Variants in MEIS2 observed in about 807,000 individuals in gnomAD.
MEIS2 encodes homeobox protein Meis2.
Under a neutral mutation model 58.6 loss-of-function variants are expected in MEIS2, and 9 were observed. The ratio of observed to expected loss-of-function variants is 0.15; its 90% confidence interval spans 0.09 to 0.27. The LOEUF is 0.27. MEIS2 is among the 10% of genes least tolerant of loss of function. MEIS2 has a pLI of 1.00. For missense variants in MEIS2, 427 were observed against 635.0 expected (o/e 0.67, Z 3.52); for synonymous variants, 221 against 228.4 (o/e 0.97, Z 0.29).
chr15:37,099,551 C>CT lies in MEIS2; in HGVS notation c.-86dup, dbSNP rs111602525. On this transcript the variant is annotated 5_prime_UTR_variant, in exon 1 of 12. Transcript: ENST00000561208. ...AGAAAGTGATCTAGGCTGAAGATTC[C>CT]TTTTTTTTTTTTCCAAACCAAAGAG... 87,358 of 1,051,528 alleles carry CT rather than the reference C, an allele frequency of 0.083. 2 individuals carry two copies. Among genetic ancestry groups the CT allele is most frequent in the South Asian group, 0.096 (5,696 of 59,128 alleles). 65.1% of individuals were successfully genotyped at this position (1,051,528 alleles called of 1,614,324 possible). A position where few individuals can be genotyped will look rare whatever the true frequency, so the allele number is the denominator to read the frequency against.
At chr15:36,939,033 G>A (rs1595766034) in intron 9 of MEIS2, among the ~76,000 whole-genome samples, 1 of 152,186 alleles carries the variant, frequency 6.6e-6, no homozygotes, top group South Asian at 2.1e-4. Flanking sequence ...AGGCAGAGCT[G>A]GTTCCTCCCA....
intron 7 of MEIS2, among the ~76,000 whole-genome samples, chr15:37,069,674 A>G (rs1342959489): frequency 6.6e-6 from 1 of 152,170 alleles, no homozygotes; most frequent in Non-Finnish European, 1.5e-5. Flanking sequence ...AGACCTCCTG[A>G]ATGCCCCGAT....
chr15:36,892,433 C>A lies in MEIS2; in HGVS notation c.1174G>T (p.Val392Phe). Residue 392 changes from valine to phenylalanine, a missense_variant, in exon 12 of 12, where the codon GTT (valine) becomes TTT (phenylalanine). Physicochemically the swap from Val to Phe is conservative, Grantham distance 50. Coordinates refer to ENST00000561208, the MANE Select transcript of MEIS2 (RefSeq NM_170675.5). Reference protein sequence around the residue: ...AGLQSMPGDYVSQGGPMGMSM... With the variant: ...AGLQSMPGDYFSQGGPMGMSM... ...ATTCCCATAGGACCACCCTGAGAAA[C>A]GTAGTCCCCTGGCATGCTCTGCAAA... 6.2e-7 allele frequency: 1 copy of A among 1,612,994 alleles called. No individual in the cohort carries two copies. The highest frequency in any genetic ancestry group is 1.1e-5 in the South Asian group (1 of 91,032).
chr15:37,086,780 T>A (rs546820280), intron 6 of MEIS2, among the ~76,000 whole-genome samples: 8 of 152,196 alleles, frequency 5.3e-5, no homozygotes, highest in Non-Finnish European at 1.2e-4. Context: ...GTTGTTTGTA[T>A]TGAGCTACAC....
chr15:36,986,508 G>A (rs2060096944), intron 8 of MEIS2, among the ~76,000 whole-genome samples: 1 of 152,200 alleles, frequency 6.6e-6, no homozygotes, highest in African/African-American at 2.4e-5. Flanking sequence ...TACACAGTTG[G>A]TTCCGGCTTC....
rs1417472196 is a variant in MEIS2, at chr15:36,889,573, T to G, written c.*2600A>C. On this transcript the variant is annotated 3_prime_UTR_variant, in exon 12 of 12. Coordinates refer to ENST00000561208, the MANE Select transcript of MEIS2 (RefSeq NM_170675.5). ...ACGAATAAACTAAGCATGAGATGAC[T>G]TTATTCATTAAAACCAAGAGTTGAG... 6.6e-6 allele frequency: 1 copy of G among 152,222 alleles called. No homozygotes were observed. Among genetic ancestry groups the G allele is most frequent in the East Asian group, 1.9e-4 (1 of 5,196 alleles). The allele number at this position is 152,222 out of a possible 1,614,324, so 9.4% of individuals were successfully genotyped here.
chr15:37,081,821 T>C (rs369036300), intron 7 of MEIS2, among the ~76,000 whole-genome samples: 44 of 152,180 alleles, frequency 2.9e-4, no homozygotes, highest in African/African-American at 9.9e-4. Context: ...TCCTTCAGCA[T>C]TGGATAAGTG....
At chr15:37,028,937 A>G (rs542521364) in intron 8 of MEIS2, among the ~76,000 whole-genome samples, 2 of 152,186 alleles carry the variant, frequency 1.3e-5, no homozygotes, top group South Asian at 4.2e-4. Context: ...AATAGGAAGA[A>G]CACTCAAGCT....
chr15:36,907,345 C>A (rs142586658), intron 9 of MEIS2, among the ~76,000 whole-genome samples: 24 of 152,258 alleles, frequency 1.6e-4, no homozygotes, highest in South Asian at 6.2e-4. Flanking sequence ...GGTGTGGAAA[C>A]AAATGGTTCT....
intron 6 of MEIS2, among the ~76,000 whole-genome samples, chr15:37,090,715 T>C (rs968543839): frequency 6.6e-6 from 1 of 152,044 alleles, no homozygotes; most frequent in South Asian, 2.1e-4. Flanking sequence ...TACCACTTAA[T>C]AAGAGTAGAG....
At chr15:36,894,162 A>G (rs752113976) in intron 11 of MEIS2, among the ~76,000 whole-genome samples, 4 of 152,134 alleles carry the variant, frequency 2.6e-5, no homozygotes, top group Non-Finnish European at 5.9e-5. Context: ...CAGTAGGCAC[A>G]TGTAAAAAAT....
chr15:36,974,096 C>T (rs2059660708), intron 8 of MEIS2, among the ~76,000 whole-genome samples: 1 of 152,154 alleles, frequency 6.6e-6, no homozygotes, highest in African/African-American at 2.4e-5. Flanking sequence ...AAGAGTGTCA[C>T]CAAACTTTCA....
At chr15:37,081,476 C>T (rs116513925) in intron 7 of MEIS2, among the ~76,000 whole-genome samples, 1,561 of 152,180 alleles carry the variant, frequency 0.01, 32 homozygotes, top group African/African-American at 0.036. Context: ...TTCGGTGGGA[C>T]AAAATATCAA....
intron 9 of MEIS2, 95 bp downstream of exon 9, chr15:36,950,229 A>G: frequency 8.9e-7 from 1 of 1,120,576 alleles, no homozygotes; most frequent in Non-Finnish European, 1.3e-6. Flanking sequence ...CCTCGATTTC[A>G]TTTGTTTTAG....
At position 37,020,193 on chromosome 15, in the gene MEIS2, C is replaced by T. The variant is rs2061476884; in HGVS notation, c.900+16621G>A. ...GTGGAGAGCGGGGTTTGCCAAGTCT[C>T]CTCTACAAAGCGTGTATTAATCACA... On this transcript the variant is annotated intron_variant, in intron 8 of 11. Transcript: ENST00000561208. Among the ~76,000 whole-genome samples the T allele has an allele frequency of 2.0e-5, 3 of 152,082 alleles. No homozygotes were observed. In the South Asian group the frequency reaches 6.2e-4, roughly 32 times the overall value.
rs2059569627 is a variant in MEIS2, at chr15:36,971,553, A to AAAAAAAAAAG, written c.901-21154_901-21153insCTTTTTTTTT. Among the ~76,000 whole-genome samples the AAAAAAAAAAG allele has an allele frequency of 1.5e-5, 2 of 131,994 alleles. 1 individual carries two copies. Among genetic ancestry groups the AAAAAAAAAAG allele is most frequent in the African/African-American group, 6.8e-5 (2 of 29,480 alleles). 86.6% of individuals were successfully genotyped at this position (131,994 alleles called of 152,430 possible). A position where few individuals can be genotyped will look rare whatever the true frequency, so the allele number is the denominator to read the frequency against. On this transcript the variant is annotated intron_variant, in intron 8 of 11. Transcript: ENST00000561208. ...TTGTTACATTAAAAAAAAAAAAAAA[A>AAAAAAAAAAG]AAAAAAAAAAAGGGCTGTTCCAGTG...
intron 9 of MEIS2, among the ~76,000 whole-genome samples, chr15:36,917,777 C>T (rs1162217664): frequency 6.6e-6 from 1 of 152,188 alleles, no homozygotes; most frequent in Non-Finnish European, 1.5e-5. Context: ...CAAGAGAACA[C>T]TTGAAGCAAA....
At chr15:36,960,476 G>A (rs1212077012) in intron 8 of MEIS2, among the ~76,000 whole-genome samples, 3 of 152,036 alleles carry the variant, frequency 2.0e-5, no homozygotes, top group Non-Finnish European at 4.4e-5. Flanking sequence ...ACCATATTAT[G>A]GAGAAAGTCT....
chr15:36,969,944 A>G (rs2059479466), intron 8 of MEIS2, among the ~76,000 whole-genome samples: 1 of 151,970 alleles, frequency 6.6e-6, no homozygotes, highest in African/African-American at 2.4e-5. Context: ...AAAACTATAC[A>G]GGGCCCTTGT....
Sources: allele counts gnomAD v4.1 joint callset (sites outside exome capture counted in the v4.1 genomes callset), GRCh38; gene constraint gnomAD v4.1.1; transcripts MANE v1.5; gene names NCBI Gene and HGNC (gene_info 2026-07-23, HGNC 2026-07-21).